GRIN2A: variants seen among roughly 807,000 people sequenced by gnomAD.
GRIN2A encodes the protein glutamate ionotropic receptor NMDA type subunit 2A, also known as glutamate receptor ionotropic, NMDA 2A.
GRIN2A carries 22 observed loss-of-function variants against 113.4 expected under a neutral mutation model. The ratio of observed to expected loss-of-function variants is 0.19; its 90% CI spans 0.14 to 0.28. The LOEUF (loss-of-function observed/expected upper bound fraction) is 0.28. Ranked by LOEUF, GRIN2A falls within the 10% of genes least tolerant of loss-of-function variation. GRIN2A has a pLI of 1.00. For missense variants in GRIN2A, 1,502 were observed against 1,887.0 expected, an observed-to-expected ratio of 0.80 and a Z score of 3.78; for synonymous variants, 827 against 738.4, an observed-to-expected ratio of 1.12 and a Z score of -1.94.
intron 2 of GRIN2A, among the ~76,000 whole-genome samples, chr16:10,032,962 C>G (rs749637842): frequency 6.6e-6 from 1 of 152,126 alleles, no homozygotes; most frequent in Admixed American, 6.5e-5. Context: ...GAGAGTTTCT[C>G]GAACCCATGA....
intron 2 of GRIN2A, among the ~76,000 whole-genome samples, chr16:9,958,858 G>C (rs1399057278): frequency 1.3e-5 from 2 of 152,192 alleles, no homozygotes; most frequent in Non-Finnish European, 2.9e-5. Context: ...GCATGGGCTT[G>C]TTCACTGATA....
intron 2 of GRIN2A, among the ~76,000 whole-genome samples, chr16:9,973,599 T>A (rs117287795): frequency 1.3e-5 from 2 of 152,228 alleles, no homozygotes; most frequent in East Asian, 3.9e-4. Flanking sequence ...AGGACAAATG[T>A]GGAGAAAACC....
intron 2 of GRIN2A, among the ~76,000 whole-genome samples, chr16:9,948,813 T>G (rs1354625221): frequency 6.6e-6 from 1 of 152,202 alleles, no homozygotes; most frequent in African/African-American, 2.4e-5. Context: ...AGTCCTATGG[T>G]GCCCATGGCC....
At chr16:10,086,414 G>A (rs964130079) in intron 2 of GRIN2A, among the ~76,000 whole-genome samples, 3 of 152,078 alleles carry the variant, frequency 2.0e-5, no homozygotes, top group African/African-American at 4.8e-5. Flanking sequence ...GAGAGATTGT[G>A]CATTCTGCCT....
chr16:10,048,270 T>C (rs539153986), intron 2 of GRIN2A, among the ~76,000 whole-genome samples: 2 of 152,350 alleles, frequency 1.3e-5, no homozygotes, highest in African/African-American at 4.8e-5. Context: ...AAATCGTGAT[T>C]GGCACTTAGT....
At chr16:10,151,782 G>C (rs1243425994) in intron 2 of GRIN2A, among the ~76,000 whole-genome samples, 2 of 152,074 alleles carry the variant, frequency 1.3e-5, no homozygotes, top group African/African-American at 4.8e-5. Flanking sequence ...CCGAGTTCGA[G>C]GCATTAAAGG....
intron 4 of GRIN2A, among the ~76,000 whole-genome samples, chr16:9,863,537 C>A (rs2043108477): frequency 6.6e-6 from 1 of 152,208 alleles, no homozygotes; most frequent in Admixed American, 6.5e-5. Context: ...ATGTTGAATT[C>A]CACTGCTACC....
intron 2 of GRIN2A, among the ~76,000 whole-genome samples, chr16:9,946,581 G>T (rs752457417): frequency 3.3e-5 from 5 of 151,986 alleles, no homozygotes; most frequent in Non-Finnish European, 5.9e-5. Context: ...TCCTTTACTG[G>T]TAATAGTGAA....
intron 4 of GRIN2A, among the ~76,000 whole-genome samples, chr16:9,870,851 T>C (rs2043247991): frequency 6.6e-6 from 1 of 152,130 alleles, no homozygotes; most frequent in South Asian, 2.1e-4. Flanking sequence ...TTGCCCAGGT[T>C]GGTCTCGAAC....
intron 3 of GRIN2A, among the ~76,000 whole-genome samples, chr16:9,899,242 C>T (rs1384555905): frequency 6.6e-6 from 1 of 151,848 alleles, no homozygotes; most frequent in African/African-American, 2.4e-5. Flanking sequence ...AGTTTGAGAC[C>T]AGCCTGGCCA....
intron 2 of GRIN2A, among the ~76,000 whole-genome samples, chr16:10,028,039 C>T (rs1264115171): frequency 2.6e-5 from 4 of 152,252 alleles, no homozygotes; most frequent in East Asian, 3.9e-4. Flanking sequence ...AGGATGTTGC[C>T]GAGTGCCTCT....
At chr16:9,980,145 C>A (rs1334085408) in intron 2 of GRIN2A, among the ~76,000 whole-genome samples, 1 of 151,584 alleles carries the variant, frequency 6.6e-6, no homozygotes, top group Non-Finnish European at 1.5e-5. Flanking sequence ...TGGTGGTGCA[C>A]GCCTGCAGTC....
chr16:9,779,932 C>T (rs1052880777), intron 11 of GRIN2A, among the ~76,000 whole-genome samples: 1 of 152,160 alleles, frequency 6.6e-6, no homozygotes, highest in African/African-American at 2.4e-5. Context: ...GTCCTCTGCC[C>T]CCATTGTACT....
intron 4 of GRIN2A, among the ~76,000 whole-genome samples, chr16:9,852,426 C>A (rs983478867): frequency 6.6e-6 from 1 of 152,208 alleles, no homozygotes; most frequent in Non-Finnish European, 1.5e-5. Context: ...AACCCCCACA[C>A]CATGGGAGTC....
At chr16:9,843,684 C>T (rs968187810) in intron 5 of GRIN2A, among the ~76,000 whole-genome samples, 1 of 152,164 alleles carries the variant, frequency 6.6e-6, no homozygotes, top group Non-Finnish European at 1.5e-5. Flanking sequence ...ACCATAGAGA[C>T]TTTACTCTCT....
At chr16:9,958,600 C>T (rs1465391388) in intron 2 of GRIN2A, among the ~76,000 whole-genome samples, 1 of 151,970 alleles carries the variant, frequency 6.6e-6, no homozygotes, top group Non-Finnish European at 1.5e-5. Context: ...TAGGACAGAC[C>T]CCATGGGATG....
chr16:10,114,478 T>C (rs1020986977), intron 2 of GRIN2A, among the ~76,000 whole-genome samples: 6 of 152,148 alleles, frequency 3.9e-5, no homozygotes, highest in African/African-American at 1.2e-4. Flanking sequence ...AGAAGAATCA[T>C]AACCTTTCAA....
chr16:9,893,000 A>C (rs1451663210), intron 3 of GRIN2A, among the ~76,000 whole-genome samples: 1 of 151,842 alleles, frequency 6.6e-6, no homozygotes, highest in Non-Finnish European at 1.5e-5. Context: ...AAGAAGAGAC[A>C]CTGGCCTAAT....
chr16:10,083,827 T>G (rs548003792), intron 2 of GRIN2A, among the ~76,000 whole-genome samples: 1 of 152,216 alleles, frequency 6.6e-6, no homozygotes, highest in South Asian at 2.1e-4. Context: ...CAGGGCTGAG[T>G]GTGGTGGCTC....
Sources: allele counts gnomAD v4.1 joint callset (sites outside exome capture counted in the v4.1 genomes callset), GRCh38; gene constraint gnomAD v4.1.1; transcripts MANE v1.5; gene names NCBI Gene and HGNC (gene_info 2026-07-23, HGNC 2026-07-21).